The following PXDNL variants were observed in gnomAD, a reference collection of about 807,000 sequenced individuals.
PXDNL encodes the protein probable oxidoreductase PXDNL.
Under a neutral mutation model 150.8 loss-of-function variants are expected in PXDNL, and 145 were observed. The observed-to-expected ratio is 0.96, with a 90% CI of 0.84 to 1.10. The LOEUF is 1.10. PXDNL is among the 50% of genes least tolerant of loss of function. The pLI is 0.00. For missense variants in PXDNL, 2,087 were observed against 1,873.9 expected (o/e 1.11, Z -2.10); for synonymous variants, 757 against 725.7 (o/e 1.04, Z -0.69).
chr8:51,385,076 C>G (rs1807658485), intron 17 of PXDNL, among the ~76,000 whole-genome samples: 1 of 152,152 alleles, frequency 6.6e-6, no homozygotes, highest in Admixed American at 6.6e-5. Context: ...TAAAAATTCA[C>G]ATGTATTGAA....
At chr8:51,682,124 T>TA (rs1299946643) in intron 1 of PXDNL, among the ~76,000 whole-genome samples, 21 of 152,294 alleles carry the variant, frequency 1.4e-4, no homozygotes, top group Admixed American at 2.6e-4. Flanking sequence ...TGCTATGGTT[T>TA]AAAAAAACAG....
intron 17 of PXDNL, among the ~76,000 whole-genome samples, chr8:51,377,273 C>G (rs373940807): frequency 4.9e-5 from 7 of 143,428 alleles, no homozygotes; most frequent in Non-Finnish European, 1.1e-4. Flanking sequence ...TTTTTTTTTT[C>G]TTTTTAAGAG....
At chr8:51,488,498 A>G (rs544141262) in intron 5 of PXDNL, among the ~76,000 whole-genome samples, 9 of 152,366 alleles carry the variant, frequency 5.9e-5, no homozygotes, top group African/African-American at 1.9e-4. Context: ...CTGATAGATG[A>G]GACAGACATA....
intron 2 of PXDNL, among the ~76,000 whole-genome samples, chr8:51,599,716 C>T (rs1335062391): frequency 7.0e-6 from 1 of 143,872 alleles, no homozygotes; most frequent in African/African-American, 2.6e-5. Context: ...TAAATGATGT[C>T]ATTTATATAA....
At chr8:51,766,743 T>TA (rs397973706) in intron 1 of PXDNL, among the ~76,000 whole-genome samples, 17,736 of 151,354 alleles carry the variant, frequency 0.12, 1,232 homozygotes, top group East Asian at 0.17. Context: ...ATCTTTTTTT[T>TA]AAAAAAAAAA....
At chr8:51,801,239 C>A (rs2037616441) in intron 1 of PXDNL, among the ~76,000 whole-genome samples, 1 of 152,044 alleles carries the variant, frequency 6.6e-6, no homozygotes, top group African/African-American at 2.4e-5. Flanking sequence ...CCTGCAGTAC[C>A]CTCAGGCTTA....
At chr8:51,664,595 T>C (rs1287559017) in intron 1 of PXDNL, among the ~76,000 whole-genome samples, 1 of 152,176 alleles carries the variant, frequency 6.6e-6, no homozygotes. Context: ...GAGATCAGAC[T>C]TGGCTGTATT....
At chr8:51,528,027 T>C (rs1210092700) in intron 4 of PXDNL, among the ~76,000 whole-genome samples, 3 of 152,058 alleles carry the variant, frequency 2.0e-5, no homozygotes, top group Non-Finnish European at 4.4e-5. Context: ...GTAAGATAAT[T>C]TGGAAAAAGA....
chr8:51,470,455 CAAAA>C (rs1283968777), intron 8 of PXDNL, among the ~76,000 whole-genome samples: 1 of 151,818 alleles, frequency 6.6e-6, no homozygotes, highest in African/African-American at 2.4e-5. Flanking sequence ...ATACACGTGA[CAAAA>C]GAAAGTCAGT....
intron 12 of PXDNL, among the ~76,000 whole-genome samples, chr8:51,445,665 T>A (rs1354655610): frequency 6.6e-6 from 1 of 152,152 alleles, no homozygotes; most frequent in South Asian, 2.1e-4. Context: ...CAGGGAAAAA[T>A]CAAGATGAGG....
chr8:51,513,993 A>C (rs1811479542), intron 4 of PXDNL, among the ~76,000 whole-genome samples: 1 of 152,224 alleles, frequency 6.6e-6, no homozygotes, highest in Non-Finnish European at 1.5e-5. Context: ...CAATGGTTTT[A>C]TTTTACATTT....
At chr8:51,518,440 T>C (rs528903378) in intron 4 of PXDNL, among the ~76,000 whole-genome samples, 1 of 152,302 alleles carries the variant, frequency 6.6e-6, no homozygotes, top group Non-Finnish European at 1.5e-5. Flanking sequence ...CATACAAGCA[T>C]AGAACATATA....
intron 1 of PXDNL, among the ~76,000 whole-genome samples, chr8:51,689,187 G>T (rs559500058): frequency 1.1e-4 from 17 of 152,206 alleles, no homozygotes; most frequent in Non-Finnish European, 2.5e-4. Context: ...GTCTTCTTGG[G>T]CATCTATTGA....
chr8:51,759,468 C>T (rs1279844206), intron 1 of PXDNL, among the ~76,000 whole-genome samples: 2 of 152,242 alleles, frequency 1.3e-5, no homozygotes, highest in East Asian at 3.9e-4. Flanking sequence ...TCTATGTCCC[C>T]GATTTGAGTG....
intron 17 of PXDNL, among the ~76,000 whole-genome samples, chr8:51,385,569 C>T (rs1183630919): frequency 1.3e-5 from 2 of 152,178 alleles, no homozygotes; most frequent in Non-Finnish European, 2.9e-5. Context: ...TTAACAGCCC[C>T]TGATTTAAAG....
At chr8:51,547,952 G>A (rs1481480777) in intron 4 of PXDNL, among the ~76,000 whole-genome samples, 2 of 151,894 alleles carry the variant, frequency 1.3e-5, no homozygotes, top group Non-Finnish European at 2.9e-5. Context: ...GAATATGAAT[G>A]AAAAAGTCTG....
chr8:51,741,888 C>A (rs557272757), intron 1 of PXDNL, among the ~76,000 whole-genome samples: 1 of 152,134 alleles, frequency 6.6e-6, no homozygotes, highest in African/African-American at 2.4e-5. Flanking sequence ...CTCTATTTGG[C>A]GTTTGTACTA....
chr8:51,547,055 C>T (rs1490032627), intron 4 of PXDNL, among the ~76,000 whole-genome samples: 1 of 152,166 alleles, frequency 6.6e-6, no homozygotes, highest in African/African-American at 2.4e-5. Flanking sequence ...TGATGGTTTT[C>T]TCTACCTGCC....
chr8:51,324,308 A>T (rs1327755405), intron 21 of PXDNL, among the ~76,000 whole-genome samples: 3 of 152,034 alleles, frequency 2.0e-5, no homozygotes, highest in Non-Finnish European at 4.4e-5. Flanking sequence ...AACTTCCAGC[A>T]TTAGGTTGAA....
Sources: gnomAD v4.1 joint callset for allele counts (sites outside exome capture counted in the v4.1 genomes callset) on GRCh38, gnomAD v4.1.1 for gene constraint, MANE v1.5 for transcripts, NCBI Gene and HGNC (gene_info 2026-07-23, HGNC 2026-07-21) for gene names.